The following ADGRV1 variants were observed in gnomAD, a reference collection of about 807,000 sequenced individuals.
The protein encoded by ADGRV1 is adhesion G protein-coupled receptor V1.
Under a neutral mutation model 596.2 loss-of-function variants are expected in ADGRV1, and 359 were observed. The ratio of observed to expected loss-of-function variants is 0.60; its 90% CI spans 0.55 to 0.66. ADGRV1 has a LOEUF of 0.66. Among genes scored for constraint, ADGRV1 ranks in the 30% least tolerant of loss-of-function variants. The pLI is 0.00. For missense variants in ADGRV1, 7,274 were observed against 7,575.6 expected (o/e 0.96, Z 1.48); for synonymous variants, 2,681 against 2,679.2 (o/e 1.00, Z -0.02).
At chr5:90,579,881 G>T (rs1424238896) in intron 1 of ADGRV1, among the ~76,000 whole-genome samples, 1 of 151,986 alleles carries the variant, frequency 6.6e-6, no homozygotes, top group Non-Finnish European at 1.5e-5. Flanking sequence ...TGTCTCTTTT[G>T]ATCTTTCTTT....
intron 87 of ADGRV1, among the ~76,000 whole-genome samples, chr5:91,128,795 C>G (rs1793973896): frequency 6.6e-6 from 1 of 152,200 alleles, no homozygotes; most frequent in African/African-American, 2.4e-5. Context: ...GCACTTGAAT[C>G]ATCATCATTG....
At chr5:90,596,948 GGT>G (rs1369247759) in intron 1 of ADGRV1, among the ~76,000 whole-genome samples, 1 of 152,130 alleles carries the variant, frequency 6.6e-6, no homozygotes, top group African/African-American at 2.4e-5. Context: ...AGTGGTGGGT[GGT>G]CTTTTTAGTT....
chr5:90,651,838 G>A, intron 18 of ADGRV1, 108 bp downstream of exon 18: 4 of 694,306 alleles, frequency 5.8e-6, no homozygotes, highest in Non-Finnish European at 9.0e-6. Flanking sequence ...TAAGAATTGA[G>A]TAATTTCAAA....
intron 85 of ADGRV1, among the ~76,000 whole-genome samples, chr5:90,989,229 A>T (rs1780761376): frequency 6.6e-6 from 1 of 152,094 alleles, no homozygotes; most frequent in East Asian, 1.9e-4. Context: ...GACTTCCACA[A>T]TGGTTGAACT....
chr5:90,944,489 G>A (rs1028176877), intron 83 of ADGRV1, among the ~76,000 whole-genome samples: 2 of 152,050 alleles, frequency 1.3e-5, no homozygotes, highest in African/African-American at 4.8e-5. Context: ...GATAACCAAG[G>A]TTGTATATTC....
At chr5:90,603,417 A>G (rs1421441892) in intron 1 of ADGRV1, among the ~76,000 whole-genome samples, 2 of 152,196 alleles carry the variant, frequency 1.3e-5, no homozygotes, top group East Asian at 3.9e-4. Flanking sequence ...CATATAAGAC[A>G]GTCCAGGATG....
At chr5:91,065,720 A>G (rs1010089555) in intron 85 of ADGRV1, among the ~76,000 whole-genome samples, 76 of 152,364 alleles carry the variant, frequency 5.0e-4, no homozygotes, top group African/African-American at 1.8e-3. Flanking sequence ...TTCAGTAAGT[A>G]TAAAGCATTA....
At chr5:90,789,632 A>G in intron 68 of ADGRV1, 70 bp from the exon 69 acceptor site, 1 of 867,306 alleles carries the variant, frequency 1.2e-6, no homozygotes. Flanking sequence ...CTGTTTGTTA[A>G]TATGTTGGAT....
chr5:90,940,782 G>C (rs1776108100), intron 83 of ADGRV1, among the ~76,000 whole-genome samples: 1 of 152,102 alleles, frequency 6.6e-6, no homozygotes, highest in Non-Finnish European at 1.5e-5. Context: ...GGTGGGACCA[G>C]CACAGGAAGG....
chr5:90,972,993 G>C (rs1779197116), intron 84 of ADGRV1, among the ~76,000 whole-genome samples: 1 of 152,078 alleles, frequency 6.6e-6, no homozygotes, highest in African/African-American at 2.4e-5. Flanking sequence ...GAATCAAATA[G>C]ATGCAATAAA....
At chr5:91,104,576 A>G (rs768134858) in intron 87 of ADGRV1, among the ~76,000 whole-genome samples, 16 of 152,040 alleles carry the variant, frequency 1.1e-4, no homozygotes, top group Non-Finnish European at 2.1e-4. Context: ...ATCTCTCCCT[A>G]TCCCCTTTTT....
At chr5:90,807,488 G>T in intron 72 of ADGRV1, 114 bp from the exon 73 acceptor site, 1 of 1,029,984 alleles carries the variant, frequency 9.7e-7, no homozygotes, top group South Asian at 2.2e-5. Context: ...TTTACCTTTT[G>T]TGAACTATAA....
chr5:90,562,326 G>C (rs1754936462), intron 1 of ADGRV1, among the ~76,000 whole-genome samples: 1 of 152,120 alleles, frequency 6.6e-6, no homozygotes. Context: ...TCACAAGGTA[G>C]GTTTGGGAGC....
At chr5:90,770,309 C>G (rs911419172) in intron 59 of ADGRV1, among the ~76,000 whole-genome samples, 1 of 152,130 alleles carries the variant, frequency 6.6e-6, no homozygotes, top group Non-Finnish European at 1.5e-5. Flanking sequence ...AAACCCACCC[C>G]CATGATTCAA....
At chr5:90,926,171 C>T (rs1483527395) in intron 83 of ADGRV1, among the ~76,000 whole-genome samples, 1 of 151,236 alleles carries the variant, frequency 6.6e-6, no homozygotes, top group African/African-American at 2.4e-5. Flanking sequence ...AGGATTCCCT[C>T]TTTTTGTATT....
rs539542484 is a variant in ADGRV1 at position 91,073,906 on chromosome 5, C to T, written c.18310+1302C>T. 2.0e-5 allele frequency among the ~76,000 whole-genome samples: 3 copies of T among 152,294 alleles called. No homozygotes were observed. In the South Asian group the frequency reaches 6.2e-4, roughly 32 times the overall value. On this transcript the variant is annotated intron_variant, in intron 86 of 89. Transcript: ENST00000405460. ...GGAGATGGGGTTTCACCACATTGCC[C>T]AGGCTGGTCTTGAACTCCTGAGCTC...
intron 87 of ADGRV1, among the ~76,000 whole-genome samples, chr5:91,149,113 C>T (rs1434641018): frequency 6.6e-6 from 1 of 152,158 alleles, no homozygotes; most frequent in Non-Finnish European, 1.5e-5. Flanking sequence ...CCAGATGAGA[C>T]TTTGGAGTTG....
chr5:90,931,085 G>A (rs1775207416), intron 83 of ADGRV1: 1 of 152,260 alleles, frequency 6.6e-6, no homozygotes, highest in African/African-American at 2.4e-5. Flanking sequence ...GGTGAAGAGA[G>A]AGAGGAGGGA....
chr5:90,648,329 C>T (rs189205598), intron 17 of ADGRV1, among the ~76,000 whole-genome samples: 192 of 152,312 alleles, frequency 1.3e-3, no homozygotes, highest in Non-Finnish European at 1.2e-3. Context: ...AATGTTTTGG[C>T]TCTACCTTCT....
Sources: gnomAD v4.1 joint callset for allele counts (sites outside exome capture counted in the v4.1 genomes callset) on GRCh38, gnomAD v4.1.1 for gene constraint, MANE v1.5 for transcripts, NCBI Gene and HGNC (gene_info 2026-07-23, HGNC 2026-07-21) for gene names.